The following HSPH1 variants were observed in gnomAD, a reference collection of about 807,000 sequenced individuals.
The protein encoded by HSPH1 is heat shock protein 105 kDa.
HSPH1 carries 40 observed loss-of-function variants against 100.0 expected under a neutral mutation model. That is an observed-to-expected ratio of 0.40 (90% CI 0.31 to 0.52). The LOEUF (loss-of-function observed/expected upper bound fraction) is 0.52, where lower values mean the gene tolerates loss of function less well. Ranked by LOEUF, HSPH1 falls within the 20% of genes least tolerant of loss-of-function variation. The probability of loss-of-function intolerance (pLI) is 0.54; values close to 1 mark genes in which losing one functional copy is unlikely to be tolerated. For synonymous variants in HSPH1, 403 were observed against 344.0 expected, an observed-to-expected ratio of 1.17 and a Z score of -1.90; for missense variants, 876 against 1,015.1, an observed-to-expected ratio of 0.86 and a Z score of 1.86.
intron 14 of HSPH1, 149 bp downstream of exon 14, chr13:31,140,035 A>G (rs981610381): frequency 5.6e-6 from 4 of 712,294 alleles, no homozygotes; most frequent in Non-Finnish European, 8.9e-6. Flanking sequence ...ACTGCTCATC[A>G]GCAACAAGCC....
chr13:31,158,641 AAG>A (rs1956789409), intron 2 of HSPH1, among the ~76,000 whole-genome samples, 163 bp downstream of exon 2: 1 of 151,968 alleles, frequency 6.6e-6, no homozygotes, highest in African/African-American at 2.4e-5. Context: ...ACAGAAAGGA[AAG>A]AGTGTCATCA....
intron 10 of HSPH1, among the ~76,000 whole-genome samples, chr13:31,147,065 G>T (rs1219043861): frequency 6.6e-6 from 1 of 152,146 alleles, no homozygotes; most frequent in African/African-American, 2.4e-5. Context: ...TGGAAAGTGG[G>T]ATGTAAGATG....
intron 14 of HSPH1, among the ~76,000 whole-genome samples, chr13:31,139,623 T>A (rs549976519): frequency 6.6e-6 from 1 of 152,076 alleles, no homozygotes; most frequent in Non-Finnish European, 1.5e-5. Context: ...GAACTATTAA[T>A]AAAACAGACT....
chr13:31,157,379 ATC>A (rs1387615568), intron 2 of HSPH1, among the ~76,000 whole-genome samples: 3 of 152,262 alleles, frequency 2.0e-5, no homozygotes, highest in Admixed American at 2.0e-4. Context: ...CCTTTTAGTT[ATC>A]TCTCTCTTCC....
At chr13:31,160,874 G>A (rs1226296380) in intron 1 of HSPH1, among the ~76,000 whole-genome samples, 1 of 152,206 alleles carries the variant, frequency 6.6e-6, no homozygotes, top group Non-Finnish European at 1.5e-5. Context: ...AAAAGAGGTG[G>A]GCTAATCTTT....
At chr13:31,159,977 T>C (rs1593219449) in intron 1 of HSPH1, among the ~76,000 whole-genome samples, 1 of 151,230 alleles carries the variant, frequency 6.6e-6, no homozygotes, top group Non-Finnish European at 1.5e-5. Flanking sequence ...AAATTAATTG[T>C]ACTAAATAAC....
intron 11 of HSPH1, among the ~76,000 whole-genome samples, chr13:31,144,283 A>G (rs1211892721): frequency 6.6e-6 from 1 of 152,162 alleles, no homozygotes; most frequent in Non-Finnish European, 1.5e-5. Context: ...TCTTTCCTAG[A>G]AACAAGCTTC....
rs1338776251 is a variant in HSPH1, at chr13:31,143,930, T to C, written c.1585-7A>G. On this transcript the variant is annotated splice_region_variant and splice_polypyrimidine_tract_variant and intron_variant, in intron 11 of 17. Transcript: ENST00000320027. ...TGTCTTGCTGGACATTTTTCTGAAATGAAAGCCCAGGCACAAAGGATGTAG... is the reference window on the plus strand; with the variant it reads ...TGTCTTGCTGGACATTTTTCTGAAACGAAAGCCCAGGCACAAAGGATGTAG... 2.5e-6 allele frequency: 4 copies of C among 1,586,074 alleles called. No homozygotes were observed. The highest frequency in any genetic ancestry group is 3.5e-5 in the Admixed American group (2 of 56,600).
intron 14 of HSPH1, 72 bp downstream of exon 14, chr13:31,140,112 C>T (rs1249932434): frequency 1.0e-5 from 14 of 1,392,002 alleles, no homozygotes; most frequent in Non-Finnish European, 1.2e-5. Context: ...AAGCTTAAGC[C>T]TCAACTGTCA....
At chr13:31,141,009 T>C (rs1194824353) in intron 13 of HSPH1, 113 bp downstream of exon 13, 9 of 662,576 alleles carry the variant, frequency 1.4e-5, no homozygotes, top group Non-Finnish European at 7.1e-6. Flanking sequence ...CCTAAAACTA[T>C]ATAAAACTTG....
In HSPH1 at chr13:31,147,437, G is replaced by C. The variant is rs942179637; in HGVS notation, c.1378+522C>G. 3.3e-5 allele frequency among the ~76,000 whole-genome samples: 5 copies of C among 152,138 alleles called. No homozygotes were observed. In the East Asian group the frequency reaches 7.7e-4, roughly 24 times the overall value. On this transcript the variant is annotated intron_variant, in intron 10 of 17. Coordinates refer to ENST00000320027, the MANE Select transcript of HSPH1 (RefSeq NM_006644.4). ...AATTTCACCTATGGTCTGGGAAAGA[G>C]AGTTACTATGGGTAAAAGTAGATGG...
Position 31,161,630 on chromosome 13 carries a change from C to G in HSPH1, c.-48G>C, listed in dbSNP as rs780617579. 2 of 1,603,072 alleles carry G rather than the reference C, an allele frequency of 1.2e-6. No individual in the cohort carries two copies. The highest frequency in any genetic ancestry group is 1.7e-6 in the Non-Finnish European group (2 of 1,178,502). ...GCCTCGGGTCTCGGTCTGCGTCCTC[C>G]GGCCCCCTGCCTGCTTCTCCTGCCG... On this transcript the variant is annotated 5_prime_UTR_variant, in exon 1 of 18. Coordinates refer to ENST00000320027, the MANE Select transcript of HSPH1 (RefSeq NM_006644.4).
At chr13:31,143,188 T>TCTGTTG (rs1423813719) in intron 12 of HSPH1, among the ~76,000 whole-genome samples, 1 of 152,126 alleles carries the variant, frequency 6.6e-6, no homozygotes, top group Non-Finnish European at 1.5e-5. Context: ...AACAGAAATT[T>TCTGTTG]TTCAATATCC....
chr13:31,135,896 G>A lies in HSPH1; in HGVS notation c.*1422C>T, dbSNP rs1342738851. 1 of 152,128 alleles carries A rather than the reference G, an allele frequency of 6.6e-6. No individual in the cohort carries two copies. The highest frequency in any genetic ancestry group is 2.4e-5 in the African/African-American group (1 of 41,394). 9.4% of individuals were successfully genotyped at this position (152,128 alleles called of 1,614,324 possible). On this transcript the variant is annotated 3_prime_UTR_variant, in exon 18 of 18. Coordinates refer to ENST00000320027, the MANE Select transcript of HSPH1 (RefSeq NM_006644.4). The stretch of plus-strand genomic sequence containing the variant: ...CCCTCATCAAGATCATAAATGGCTG[G>A]GCATGGTGGCTCACACCATGTAATC...
In HSPH1 at chr13:31,149,924, C is replaced by G. The variant is rs530742923; in HGVS notation, c.1137+30G>C. 3 of 1,559,482 alleles carry G rather than the reference C, an allele frequency of 1.9e-6. No homozygotes were observed. In the Admixed American group the frequency reaches 5.0e-5, roughly 26 times the overall value. Reference sequence around the variant, plus strand: ...CAGTGGAAACTGTTTAAAGACTGTACACCAAGCAAAAGCAGAGTTGAGAAA... The same window carrying G: ...CAGTGGAAACTGTTTAAAGACTGTAGACCAAGCAAAAGCAGAGTTGAGAAA... On this transcript the variant is annotated intron_variant, in intron 8 of 17. Coordinates refer to ENST00000320027, the MANE Select transcript of HSPH1 (RefSeq NM_006644.4).
Position 31,135,930 on chromosome 13 carries a change from T to C in HSPH1, c.*1388A>G, listed in dbSNP as rs1045169213. ...GCTCACACCATGTAATCCCAGCACT[T>C]TGGGAGGCTGAGGCAGACAGATTGC... On this transcript the variant is annotated 3_prime_UTR_variant, in exon 18 of 18. Transcript: ENST00000320027. 2.6e-5 allele frequency: 4 copies of C among 152,194 alleles called. No homozygotes were observed. The highest frequency in any genetic ancestry group is 7.2e-5 in the African/African-American group (3 of 41,418). 9.4% of individuals were successfully genotyped at this position (152,194 alleles called of 1,614,324 possible).
intron 10 of HSPH1, among the ~76,000 whole-genome samples, chr13:31,147,322 C>G (rs1956299154): frequency 6.6e-6 from 1 of 152,088 alleles, no homozygotes. Flanking sequence ...AAAGAAAACA[C>G]AACTGATCAG....
At position 31,137,231 on chromosome 13, in the gene HSPH1, TATAA is replaced by T. The variant is rs1434664605; in HGVS notation, c.*83_*86del. ...TTCTAAATATCCTTAAAAAAGAAAA[TATAA>T]ATAGTTTCAGTATGTTATGTAGAGT... On this transcript the variant is annotated 3_prime_UTR_variant, in exon 18 of 18. Transcript: ENST00000320027. The T allele has an allele frequency of 2.2e-5, 18 of 833,064 alleles. No homozygotes were observed. The highest frequency in any genetic ancestry group is 3.3e-4 in the Middle Eastern group (1 of 3,060). 51.6% of individuals were successfully genotyped at this position (833,064 alleles called of 1,614,324 possible).
At chr13:31,141,832 T>TCAC (rs1441586392) in intron 12 of HSPH1, among the ~76,000 whole-genome samples, 4 of 138,574 alleles carry the variant, frequency 2.9e-5, no homozygotes, top group Admixed American at 7.3e-5. Context: ...ACACACACAT[T>TCAC]ATTACTATCC....
Sources: allele counts gnomAD v4.1 joint callset (sites outside exome capture counted in the v4.1 genomes callset), GRCh38; gene constraint gnomAD v4.1.1; transcripts MANE v1.5; gene names NCBI Gene and HGNC (gene_info 2026-07-23, HGNC 2026-07-21).